Variants in SPTBN5 observed in about 807,000 individuals in gnomAD.
The protein encoded by SPTBN5 is spectrin beta chain, non-erythrocytic 5.
In SPTBN5, 513 loss-of-function variants were observed where a neutral mutation model predicts 477.6. That is an observed-to-expected ratio of 1.07 (90% CI 1.00 to 1.16). The LOEUF is 1.16. SPTBN5 is among the 50% of genes most tolerant of loss of function. SPTBN5 has a pLI of 0.00. For missense variants in SPTBN5, 5,062 were observed against 4,731.8 expected, an observed-to-expected ratio of 1.07 and a Z score of -2.05; for synonymous variants, 2,169 against 2,011.7, an observed-to-expected ratio of 1.08 and a Z score of -2.09.
chr15:41,867,082 C>G lies in SPTBN5; in HGVS notation c.6357G>C (p.Arg2119=), dbSNP rs774337109. The G allele has an allele frequency of 6.5e-7, 1 of 1,545,938 alleles. No homozygotes were observed. The highest frequency in any genetic ancestry group is 1.4e-5 in the African/African-American group (1 of 73,064). The change falls in exon 36 of 68, where the codon CGG becomes CGC. Residue 2119 remains arginine (R), a synonymous_variant. Transcript: ENST00000320955. The stretch of plus-strand genomic sequence containing the variant: ...GCAGGATGGGAAGCCGGTCCCGCAC[C>G]CGGGGGCGCCGGAGCGTCTTCAGCC... The part of the protein sequence containing the change: ...RERLKTLRRP[R]VRDRLPILLQ...
At chr15:41,849,324 C>T (rs1211693596) in intron 67 of SPTBN5, among the ~76,000 whole-genome samples, 1 of 152,230 alleles carries the variant, frequency 6.6e-6, no homozygotes, top group African/African-American at 2.4e-5. Flanking sequence ...ACCTTCGCAT[C>T]TCCTCCCTGG....
In SPTBN5 at chr15:41,856,414, G is replaced by A. The variant is rs1167351046; in HGVS notation, c.8993C>T (p.Ala2998Val). ...AGTCAGAAACTGCTGGGCCTCCTGAGCCTGCTGCAGCAGAAGCCGCCTCCG... is the reference window on the plus strand; with the variant it reads ...AGTCAGAAACTGCTGGGCCTCCTGAACCTGCTGCAGCAGAAGCCGCCTCCG... Reference protein sequence around the residue: ...AARRRLLLQQAQEAQQFLTEL... With the variant: ...AARRRLLLQQVQEAQQFLTEL... The change falls in exon 53 of 68, where the codon GCT becomes GTT. Residue 2998 changes from alanine (A) to valine (V), a missense_variant. Coordinates refer to ENST00000320955, the MANE Select transcript of SPTBN5 (RefSeq NM_016642.4). 2 of 1,587,546 alleles carry A rather than the reference G, an allele frequency of 1.3e-6. No individual in the cohort carries two copies. The highest frequency in any genetic ancestry group is 1.7e-5 in the Admixed American group (1 of 58,518).
At chr15:41,855,852 G>A (rs950761227) in intron 53 of SPTBN5, 107 bp from the exon 54 acceptor site, 2 of 1,209,812 alleles carry the variant, frequency 1.7e-6, no homozygotes, top group African/African-American at 1.5e-5. Flanking sequence ...CCTGGGAGCT[G>A]TCACGCTCCC....
rs187151763 is a variant in SPTBN5, at chr15:41,856,754, C to T, written c.8808+99G>A. 7.3e-5 allele frequency: 101 copies of T among 1,384,592 alleles called. No individual in the cohort carries two copies. In the African/African-American group the frequency reaches 1.3e-3, roughly 18 times the overall value. The allele number at this position is 1,384,592 out of a possible 1,614,324, so 85.8% of individuals were successfully genotyped here. A position where few individuals can be genotyped will look rare whatever the true frequency, so the allele number is the denominator to read the frequency against. ...ATCCAGGGCATCCCAAAAGCCCCCA[C>T]AGGCAGAGAGTTCCTGGCTGGGCCA... On this transcript the variant is annotated intron_variant, in intron 52 of 67. Transcript: ENST00000320955.
At chr15:41,880,987 C>T in intron 13 of SPTBN5, 47 bp downstream of exon 13, 5 of 1,510,476 alleles carry the variant, frequency 3.3e-6, no homozygotes, top group South Asian at 2.4e-5. Context: ...ACAGGAGCTG[C>T]TGGCACAGAG....
chr15:41,866,847 A>T (rs927315503), intron 36 of SPTBN5, 112 bp downstream of exon 36: 2 of 1,344,096 alleles, frequency 1.5e-6, no homozygotes, highest in Non-Finnish European at 2.0e-6. Flanking sequence ...CCTCTGGGAA[A>T]GCCATCCACC....
Position 41,887,422 on chromosome 15 carries a change from C to A in SPTBN5, c.679G>T (p.Gly227Cys), listed in dbSNP as rs868228216. ...HAHRPDLLDYGSLRPDRPLHN... is the reference protein window; with the variant it reads ...HAHRPDLLDYCSLRPDRPLHN... Reference sequence around the variant, plus strand: ...AGTGGGCGGTCTGGACGCAGGGAGCCGTAGTCCAACAGGTCTGGCCTGGAC... The same window carrying A: ...AGTGGGCGGTCTGGACGCAGGGAGCAGTAGTCCAACAGGTCTGGCCTGGAC... The change falls in exon 6 of 68, where the codon GGC (glycine) becomes TGC (cysteine). Residue 227 changes from glycine to cysteine, a missense_variant. Gly to Cys is a radical substitution (Grantham distance 159). Coordinates refer to ENST00000320955, the MANE Select transcript of SPTBN5 (RefSeq NM_016642.4). 3.2e-6 allele frequency: 5 copies of A among 1,552,878 alleles called. No homozygotes were observed. The highest frequency in any genetic ancestry group is 4.4e-6 in the Non-Finnish European group (5 of 1,148,282).
intron 12 of SPTBN5, 32 bp from the exon 13 acceptor site, chr15:41,881,266 G>T (rs538199819): frequency 1.9e-6 from 3 of 1,557,532 alleles, no homozygotes; most frequent in Admixed American, 1.9e-5. Flanking sequence ...GTCTACAGGC[G>T]ACCCCATCAA....
In SPTBN5 at chr15:41,871,675, G is replaced by C. The variant is rs529764325; in HGVS notation, c.5301+107C>G. The C allele has an allele frequency of 4.6e-5, 66 of 1,424,972 alleles. No homozygotes were observed. The East Asian group carries it at 1.5e-3, about 33-fold the overall frequency. 88.3% of individuals were successfully genotyped at this position (1,424,972 alleles called of 1,614,324 possible). A position where few individuals can be genotyped will look rare whatever the true frequency, so the allele number is the denominator to read the frequency against. On this transcript the variant is annotated intron_variant, in intron 28 of 67. Coordinates refer to ENST00000320955, the MANE Select transcript of SPTBN5 (RefSeq NM_016642.4). ...CTGAGGAGGCCCCACCTCAGCCAGG[G>C]CTCACCGCTCTGCTGCCACCTTCTT...
Position 41,861,747 on chromosome 15 carries a change from G to C in SPTBN5, c.7725C>G (p.Ala2575=), listed in dbSNP as rs762195215. ...WQEHQLQLQQ[A]LELQLFLSSV... is the part of the protein sequence containing the mutation. ...GGACTGTGCCTGCCTGTAGCTCCAGGGCCTGCTGCAGCTGTAGCTGATGCT... is the reference window on the plus strand; with the variant it reads ...GGACTGTGCCTGCCTGTAGCTCCAGCGCCTGCTGCAGCTGTAGCTGATGCT... Residue 2575 remains alanine (A), a synonymous_variant, in exon 45 of 68, where the codon GCC becomes GCG. Coordinates refer to ENST00000320955, the MANE Select transcript of SPTBN5 (RefSeq NM_016642.4). 4.7e-5 allele frequency: 72 copies of C among 1,546,860 alleles called. No homozygotes were observed. The highest frequency in any genetic ancestry group is 4.1e-4 in the Admixed American group (21 of 51,444).
intron 61 of SPTBN5, 88 bp from the exon 62 acceptor site, chr15:41,852,404 C>A (rs2065795775): frequency 6.8e-7 from 1 of 1,474,464 alleles, no homozygotes; most frequent in Non-Finnish European, 9.1e-7. Context: ...CTCCCCCAGC[C>A]CTCCCGGTCA....
intron 35 of SPTBN5, 49 bp downstream of exon 35, chr15:41,867,489 C>CT (rs1431863848): frequency 6.4e-7 from 1 of 1,571,392 alleles, no homozygotes; most frequent in South Asian, 1.1e-5. Flanking sequence ...TCAGGACTCT[C>CT]TCCCAACCAC....
At position 41,854,037 on chromosome 15, in the gene SPTBN5, G is replaced by T. The variant is rs373210719; in HGVS notation, c.9774+13C>A. ...GGGGCTCAGACAGGCAGGCTGCAGG[G>T]CGTGGGCCTCACCTCCAGGCGCCTG... On this transcript the variant is annotated intron_variant, in intron 57 of 67. Coordinates refer to ENST00000320955, the MANE Select transcript of SPTBN5 (RefSeq NM_016642.4). 1 of 1,552,278 alleles carries T rather than the reference G, an allele frequency of 6.4e-7. No homozygotes were observed. Among genetic ancestry groups the T allele is most frequent in the Admixed American group, 1.9e-5 (1 of 52,670 alleles).
Position 41,883,614 on chromosome 15 carries a change from A to G in SPTBN5, c.1521-128T>C, listed in dbSNP as rs184995690. 9 of 1,091,320 alleles carry G rather than the reference A, an allele frequency of 8.2e-6. No individual in the cohort carries two copies. The Admixed American group carries it at 1.4e-4, about 17-fold the overall frequency. 67.6% of individuals were successfully genotyped at this position (1,091,320 alleles called of 1,614,324 possible). The stretch of plus-strand genomic sequence containing the variant: ...GACCTCCATGGCTGGGGCAAGGTCT[A>G]TGGACTCTGACAGCATCCTGGCAGG... On this transcript the variant is annotated intron_variant, in intron 7 of 67. Coordinates refer to ENST00000320955, the MANE Select transcript of SPTBN5 (RefSeq NM_016642.4).
In SPTBN5 at chr15:41,860,687, C is replaced by T. The variant is rs372584402; in HGVS notation, c.7887G>A (p.Ala2629=). 2.5e-4 allele frequency: 404 copies of T among 1,593,006 alleles called. No homozygotes were observed. The highest frequency in any genetic ancestry group is 7.1e-4 in the Admixed American group (41 of 57,532). ...KMLEWDLEVQ[A]GKISALEATA... ...TGGCCTCCAGAGCACTGATCTTTCC[C>T]GCCTGCACCTCCAGGTCCCACTCCA... Residue 2629 remains alanine, a synonymous_variant, in exon 47 of 68, where the codon GCG becomes GCA. Transcript: ENST00000320955.
At chr15:41,888,455 A>C (rs886973770) in intron 4 of SPTBN5, among the ~76,000 whole-genome samples, 1 of 152,100 alleles carries the variant, frequency 6.6e-6, no homozygotes, top group Non-Finnish European at 1.5e-5. Flanking sequence ...GGCTTCATGA[A>C]ACTGGGTCCC....
chr15:41,879,081 AC>A (rs535002407), intron 16 of SPTBN5, among the ~76,000 whole-genome samples, 178 bp downstream of exon 16: 9 of 152,312 alleles, frequency 5.9e-5, no homozygotes, highest in South Asian at 2.1e-4. Context: ...AAATAAAAAA[AC>A]ATAGGGCTCT....
At chr15:41,860,559 C>A in intron 47 of SPTBN5, 27 bp downstream of exon 47, 1 of 1,366,108 alleles carries the variant, frequency 7.3e-7, no homozygotes, top group East Asian at 3.0e-5. Flanking sequence ...CTGCCCACAG[C>A]ACCCCTCACC....
At chr15:41,884,180 G>A (rs1201949552) in intron 7 of SPTBN5, among the ~76,000 whole-genome samples, 1 of 152,056 alleles carries the variant, frequency 6.6e-6, no homozygotes, top group Non-Finnish European at 1.5e-5. Flanking sequence ...TAGAGACGGG[G>A]TTTCACTGTG....
Sources: allele counts gnomAD v4.1 joint callset (sites outside exome capture counted in the v4.1 genomes callset), GRCh38; gene constraint gnomAD v4.1.1; transcripts MANE v1.5; gene names NCBI Gene and HGNC (gene_info 2026-07-23, HGNC 2026-07-21).